Variants in ANKRD36B observed in about 807,000 individuals in gnomAD.
ANKRD36B encodes ankyrin repeat domain-containing protein 36B.
ANKRD36B carries 37 observed loss-of-function variants against 135.7 expected under a neutral mutation model. That is an observed-to-expected ratio of 0.27 (90% CI 0.21 to 0.36). The LOEUF (loss-of-function observed/expected upper bound fraction) is 0.36, where lower values mean the gene tolerates loss of function less well. ANKRD36B is among the 10% of genes least tolerant of loss of function. ANKRD36B has a pLI of 1.00. For missense variants in ANKRD36B, 549 were observed against 1,037.1 expected (o/e 0.53, Z 6.46); for synonymous variants, 179 against 348.1 (o/e 0.51, Z 5.41).
In ANKRD36B at chr2:97,532,976, A is replaced by T. The variant is rs2078680466; in HGVS notation, c.2192-592T>A. Among the ~76,000 whole-genome samples the T allele has an allele frequency of 2.1e-5, 2 of 95,760 alleles. 1 individual carries two copies. The highest frequency in any genetic ancestry group is 5.5e-5 in the Non-Finnish European group (2 of 36,168). 62.8% of individuals were successfully genotyped at this position (95,760 alleles called of 152,430 possible). A position where few individuals can be genotyped will look rare whatever the true frequency, so the allele number is the denominator to read the frequency against. The stretch of plus-strand genomic sequence containing the variant: ...ATCAGAAATAAGACAAAATGTAAAA[A>T]TCCAATAGAAACAGAAAAAGTAACA... On this transcript the variant is annotated intron_variant, in intron 34 of 43. Transcript: ENST00000359901.
chr2:97,565,985 C>A (rs2104829133), intron 6 of ANKRD36B, among the ~76,000 whole-genome samples: 1 of 151,532 alleles, frequency 6.6e-6, no homozygotes, highest in South Asian at 2.1e-4. Flanking sequence ...AGTTTGAGAA[C>A]AGACTGGGCA....
chr2:97,585,579 G>C (rs564463936), intron 1 of ANKRD36B, among the ~76,000 whole-genome samples, 181 bp from the exon 2 acceptor site: 1 of 152,344 alleles, frequency 6.6e-6, no homozygotes, highest in African/African-American at 2.4e-5. Context: ...TTGGCTTTTG[G>C]ATTCAGTTTA....
intron 43 of ANKRD36B, among the ~76,000 whole-genome samples, chr2:97,496,565 CTT>C (rs911982720): frequency 1.7e-5 from 1 of 60,276 alleles, no homozygotes; most frequent in African/African-American, 5.3e-5. Flanking sequence ...CAGGCTGACT[CTT>C]TATGTACTGG....
At chr2:97,562,777 C>T (rs2081143631) in intron 6 of ANKRD36B, among the ~76,000 whole-genome samples, 2 of 152,148 alleles carry the variant, frequency 1.3e-5, no homozygotes, top group South Asian at 4.1e-4. Context: ...TAAGGTTTTG[C>T]TTTATTAAAA....
Position 97,525,162 on chromosome 2 carries a change from T to A in ANKRD36B, c.2266-1695A>T, listed in dbSNP as rs547370569. 1.7e-4 allele frequency among the ~76,000 whole-genome samples: 17 copies of A among 97,212 alleles called. 4 individuals are homozygous for A. The South Asian group carries it at 4.0e-3, about 23-fold the overall frequency. 63.8% of individuals were successfully genotyped at this position (97,212 alleles called of 152,430 possible). ...GCCTAAAATCAGTGAAAAACACAAA[T>A]CATGAAACTTTAATTTGCCACTGTT... On this transcript the variant is annotated intron_variant, in intron 35 of 43. Transcript: ENST00000359901.
In ANKRD36B at chr2:97,547,692, A is replaced by T; in HGVS notation, c.1506+11T>A. 6.4e-7 allele frequency: 1 copy of T among 1,559,444 alleles called. No homozygotes were observed. Among genetic ancestry groups the T allele is most frequent in the South Asian group, 1.2e-5 (1 of 85,876 alleles). ...TTTACTAGTTCACAATATAAATGAC[A>T]GTTTCATTACCTTCAAGCCTGGTGG... On this transcript the variant is annotated intron_variant, in intron 21 of 43. Transcript: ENST00000359901.
At position 97,527,771 on chromosome 2, in the gene ANKRD36B, A is replaced by G. The variant is rs2078302437; in HGVS notation, c.2266-4304T>C. ...GTTGCAATCCTATCTCTGATAAAAC[A>G]GACTTTAAACCAACAAAGATCAAAG... is the stretch of plus-strand genomic sequence containing the variant. On this transcript the variant is annotated intron_variant, in intron 35 of 43. Coordinates refer to ENST00000359901, the MANE Select transcript of ANKRD36B (RefSeq NM_001393939.1). 3.1e-5 allele frequency among the ~76,000 whole-genome samples: 3 copies of G among 96,352 alleles called. 1 individual carries two copies. Among genetic ancestry groups the G allele is most frequent in the South Asian group, 4.8e-4 (2 of 4,194 alleles). 63.2% of individuals were successfully genotyped at this position (96,352 alleles called of 152,430 possible). A position where few individuals can be genotyped will look rare whatever the true frequency, so the allele number is the denominator to read the frequency against.
At chr2:97,568,573 T>C (rs1202241350) in intron 6 of ANKRD36B, among the ~76,000 whole-genome samples, 4 of 152,120 alleles carry the variant, frequency 2.6e-5, no homozygotes, top group African/African-American at 9.7e-5. Flanking sequence ...CATTTTTAGC[T>C]CCTTCAAAAA....
rs560281547 is a variant in ANKRD36B, at chr2:97,572,734, C to T, written c.763+3645G>A. Among the ~76,000 whole-genome samples, 70 of 145,818 alleles carry T rather than the reference C, an allele frequency of 4.8e-4. No homozygotes were observed. The East Asian group carries it at 9.7e-3, about 20-fold the overall frequency. On this transcript the variant is annotated intron_variant, in intron 6 of 43. Coordinates refer to ENST00000359901, the MANE Select transcript of ANKRD36B (RefSeq NM_001393939.1). ...GTTCTAATAATATTTTCTTTAGGGA[C>T]GAAATTAAAAAAAAAAACAGTAAAA...
intron 10 of ANKRD36B, 88 bp from the exon 11 acceptor site, chr2:97,557,220 T>C: frequency 2.0e-6 from 3 of 1,496,138 alleles, no homozygotes; most frequent in East Asian, 4.9e-5. Flanking sequence ...TCAAGCTGTA[T>C]CCTCCCGCCT....
At chr2:97,554,591 C>T (rs1021954063) in intron 14 of ANKRD36B, among the ~76,000 whole-genome samples, 3 of 151,890 alleles carry the variant, frequency 2.0e-5, no homozygotes, top group African/African-American at 7.2e-5. Context: ...TCCTTCCTGC[C>T]TCACAACCCT....
rs1488998972 is a variant in ANKRD36B, at chr2:97,526,121, C to G, written c.2266-2654G>C. On this transcript the variant is annotated intron_variant, in intron 35 of 43. Transcript: ENST00000359901. ...GCCTCCTCAAGTGGGTCCCTGACCA[C>G]TGACCCCAAGCAGCCTAACTGGGAG... is the stretch of plus-strand genomic sequence containing the variant. Among the ~76,000 whole-genome samples the G allele has an allele frequency of 2.1e-5, 2 of 94,814 alleles. 1 individual carries two copies. The highest frequency in any genetic ancestry group is 5.6e-5 in the Non-Finnish European group (2 of 36,026). The allele number at this position is 94,814 out of a possible 152,430, so 62.2% of individuals were successfully genotyped here.
At chr2:97,553,561 G>A (rs1026505205) in intron 14 of ANKRD36B, among the ~76,000 whole-genome samples, 190 bp from the exon 15 acceptor site, 5 of 151,896 alleles carry the variant, frequency 3.3e-5, no homozygotes, top group Non-Finnish European at 7.4e-5. Context: ...GATGTGTCAC[G>A]ATACATTCCT....
At chr2:97,587,279 A>T (rs947889044) in intron 1 of ANKRD36B, among the ~76,000 whole-genome samples, 2 of 152,248 alleles carry the variant, frequency 1.3e-5, no homozygotes, top group African/African-American at 4.8e-5. Flanking sequence ...TTTCATTAAT[A>T]AAAAACATTT....
chr2:97,570,403 C>T (rs1486450270), intron 6 of ANKRD36B, among the ~76,000 whole-genome samples: 2 of 152,200 alleles, frequency 1.3e-5, no homozygotes, highest in East Asian at 1.9e-4. Flanking sequence ...TGGAAATTTG[C>T]ATTTTAAAGG....
At chr2:97,547,916 C>T (rs1485030966) in intron 20 of ANKRD36B, among the ~76,000 whole-genome samples, 185 bp from the exon 21 acceptor site, 1 of 151,634 alleles carries the variant, frequency 6.6e-6, no homozygotes, top group Non-Finnish European at 1.5e-5. Context: ...AATACAGGCT[C>T]CATGAAAAAT....
chr2:97,556,314 T>C (rs1269632022), intron 12 of ANKRD36B, among the ~76,000 whole-genome samples: 1 of 151,880 alleles, frequency 6.6e-6, no homozygotes, highest in East Asian at 1.9e-4. Flanking sequence ...ACTCTAGCAC[T>C]CCTTCCTGAT....
At chr2:97,568,412 G>A (rs527441162) in intron 6 of ANKRD36B, among the ~76,000 whole-genome samples, 27 of 152,266 alleles carry the variant, frequency 1.8e-4, no homozygotes, top group Non-Finnish European at 2.1e-4. Flanking sequence ...TCCCTGCAAA[G>A]ACTTTTCAGC....
At chr2:97,579,908 G>GTGA (rs2082507116) in intron 4 of ANKRD36B, among the ~76,000 whole-genome samples, 1 of 152,068 alleles carries the variant, frequency 6.6e-6, no homozygotes, top group African/African-American at 2.4e-5. Context: ...AACATACTTG[G>GTGA]TAAGTAATGT....
Sources: gnomAD v4.1 joint callset for allele counts (sites outside exome capture counted in the v4.1 genomes callset) on GRCh38, gnomAD v4.1.1 for gene constraint, MANE v1.5 for transcripts, NCBI Gene and HGNC (gene_info 2026-07-23, HGNC 2026-07-21) for gene names.